The following NME4 variants were observed in gnomAD, a reference collection of about 807,000 sequenced individuals.
The protein encoded by NME4 is NME/NM23 nucleoside diphosphate kinase 4, also known as nucleoside diphosphate kinase D, mitochondrial.
A neutral mutation model predicts 16.4 loss-of-function variants in NME4; 21 were observed. The ratio of observed to expected loss-of-function variants is 1.28; its 90% CI spans 0.91 to 1.84. The LOEUF (loss-of-function observed/expected upper bound fraction) is 1.84, where lower values mean the gene tolerates loss of function less well. Among genes scored for constraint, NME4 ranks in the 40% most tolerant of loss-of-function variants. The pLI is 0.00. For missense variants in NME4, 316 were observed against 261.3 expected, an observed-to-expected ratio of 1.21 and a Z score of -1.44; for synonymous variants, 132 against 107.5, an observed-to-expected ratio of 1.23 and a Z score of -1.41.
chr16:398,919 G>A, intron 1 of NME4, 71 bp from the exon 2 acceptor site: 1 of 1,590,520 alleles, frequency 6.3e-7, no homozygotes. Context: ...CTGGGCTCTG[G>A]CTGGGAAACC....
chr16:398,951 G>C (rs912237986), intron 1 of NME4, 39 bp from the exon 2 acceptor site: 2 of 1,606,410 alleles, frequency 1.2e-6, no homozygotes, highest in African/African-American at 1.3e-5. Flanking sequence ...GACGTGAAAG[G>C]GTGAGGTGGC....
Position 399,410 on chromosome 16 carries a change from A to G in NME4, c.257A>G (p.Gln86Arg), listed in dbSNP as rs778019900. 1.2e-6 allele frequency: 2 copies of G among 1,612,882 alleles called. No individual in the cohort carries two copies. The highest frequency in any genetic ancestry group is 1.7e-6 in the Non-Finnish European group (2 of 1,179,978). ...APESVLAEHY[Q>R]DLRRKPFYPA... is the part of the protein sequence containing the mutation. Reference sequence around the variant, plus strand: ...GAGAGCGTCCTTGCCGAGCACTACCAGGACCTGCGGAGGAAGCCCTTCTAC... The same window carrying G: ...GAGAGCGTCCTTGCCGAGCACTACCGGGACCTGCGGAGGAAGCCCTTCTAC... The change falls in exon 3 of 5, where the codon CAG becomes CGG. Residue 86 changes from glutamine to arginine, a missense_variant. Physicochemically the swap from Gln to Arg is conservative, Grantham distance 43. Transcript: ENST00000219479.
intron 1 of NME4, 53 bp downstream of exon 1, chr16:397,366 C>T (rs150899971): frequency 0.044 from 31,625 of 712,674 alleles, 1,151 homozygotes; most frequent in African/African-American, 0.16. Context: ...AAGGGGCGCG[C>T]GCCGCTCGGC....
Position 400,219 on chromosome 16 carries a change from G to C in NME4, c.441G>C (p.Arg147Ser). The stretch of plus-strand genomic sequence containing the variant: ...TCACATTGCTCCTGTCCTGGCACAG[G>C]AATGTCATCCACGCCAGCGACTCCG... ...IRGDFSVHISRNVIHASDSVE... is the reference protein window; with the variant it reads ...IRGDFSVHISSNVIHASDSVE... Residue 147 changes from arginine (R) to serine (S), a missense_variant and splice_region_variant, in exon 5 of 5, where the codon AGG (arginine) becomes AGC (serine). Physicochemically the swap from Arg to Ser is moderately radical, Grantham distance 110. Coordinates refer to ENST00000219479, the MANE Select transcript of NME4 (RefSeq NM_005009.3). The C allele has an allele frequency of 6.2e-7, 1 of 1,607,344 alleles. No individual in the cohort carries two copies. Among genetic ancestry groups the C allele is most frequent in the African/African-American group, 1.3e-5 (1 of 74,902 alleles).
chr16:400,466 C>T lies in NME4; in HGVS notation c.*124C>T, dbSNP rs2054639448. On this transcript the variant is annotated 3_prime_UTR_variant, in exon 5 of 5. Transcript: ENST00000219479. The stretch of plus-strand genomic sequence containing the variant: ...CTTACTTCCCTGTTCACCTCTGCCC[C>T]ACCCCAGCCCAGAGGAGTTTGAGCC... 1.6e-6 allele frequency: 2 copies of T among 1,268,590 alleles called. No individual in the cohort carries two copies. Among genetic ancestry groups the T allele is most frequent in the South Asian group, 3.2e-5 (2 of 61,854 alleles). 78.6% of individuals were successfully genotyped at this position (1,268,590 alleles called of 1,614,324 possible). A position where few individuals can be genotyped will look rare whatever the true frequency, so the allele number is the denominator to read the frequency against.
rs571220712 is a variant in NME4, at chr16:400,232, G to A, written c.454G>A (p.Ala152Thr). Residue 152 changes from alanine (A) to threonine (T), a missense_variant, in exon 5 of 5, where the codon GCC becomes ACC. By Grantham distance (58) the Ala-to-Thr change is moderately conservative. Transcript: ENST00000219479. ...GTCCTGGCACAGGAATGTCATCCACGCCAGCGACTCCGTGGAGGGGGCCCA... is the reference window on the plus strand; with the variant it reads ...GTCCTGGCACAGGAATGTCATCCACACCAGCGACTCCGTGGAGGGGGCCCA... ...SVHISRNVIHASDSVEGAQRE... is the reference protein window; with the variant it reads ...SVHISRNVIHTSDSVEGAQRE... 49 of 1,605,256 alleles carry A rather than the reference G, an allele frequency of 3.1e-5. No homozygotes were observed. The Admixed American group carries it at 5.4e-4, about 18-fold the overall frequency.
At position 398,877 on chromosome 16, in the gene NME4, A is replaced by C. The variant is rs2054601236; in HGVS notation, c.92-113A>C. 2.8e-6 allele frequency: 4 copies of C among 1,442,222 alleles called. No individual in the cohort carries two copies. The Middle Eastern group carries it at 6.9e-4, about 250-fold the overall frequency. The allele number at this position is 1,442,222 out of a possible 1,614,324, so 89.3% of individuals were successfully genotyped here. On this transcript the variant is annotated intron_variant, in intron 1 of 4. Coordinates refer to ENST00000219479, the MANE Select transcript of NME4 (RefSeq NM_005009.3). ...CCCTGTCCCTTCCAGAGTGCCCTGCATAGAGGCAGACACCCTGAAGCCTGG... is the reference window on the plus strand; with the variant it reads ...CCCTGTCCCTTCCAGAGTGCCCTGCCTAGAGGCAGACACCCTGAAGCCTGG...
chr16:399,044 T>A lies in NME4; in HGVS notation c.146T>A (p.Val49Glu). ...RTLVAVKPDG[V>E]QRRLVGDVIQ... ...CTGGTGGCGGTGAAGCCCGATGGCG[T>A]GCAACGGCGGCTCGTTGGGGACGTG... is the stretch of plus-strand genomic sequence containing the variant. The change falls in exon 2 of 5, where the codon GTG (valine) becomes GAG (glutamate). Residue 49 changes from valine to glutamate, a missense_variant. Val to Glu is a moderately radical substitution (Grantham distance 121). Coordinates refer to ENST00000219479, the MANE Select transcript of NME4 (RefSeq NM_005009.3). 1 of 1,608,476 alleles carries A rather than the reference T, an allele frequency of 6.2e-7. No individual in the cohort carries two copies. Among genetic ancestry groups the A allele is most frequent in the Non-Finnish European group, 8.5e-7 (1 of 1,179,686 alleles).
intron 1 of NME4, chr16:397,909 C>A (rs766645586): frequency 6.4e-7 from 1 of 1,551,978 alleles, no homozygotes; most frequent in Non-Finnish European, 8.7e-7. Flanking sequence ...AAAAGTGAGC[C>A]GCCGCCTGCA....
intron 1 of NME4, chr16:398,142 G>A: frequency 1.3e-6 from 2 of 1,529,964 alleles, no homozygotes; most frequent in Non-Finnish European, 1.8e-6. Flanking sequence ...GATGCCGGAG[G>A]GTAGCTTGGC....
intron 1 of NME4, 81 bp downstream of exon 1, chr16:397,394 CG>C: frequency 3.9e-6 from 2 of 513,262 alleles, no homozygotes; most frequent in Non-Finnish European, 5.1e-6. Flanking sequence ...CGCGCACGTG[CG>C]GGCTGGGGTC....
chr16:399,350 C>T (rs755869751), intron 2 of NME4, 29 bp from the exon 3 acceptor site: 13 of 1,601,128 alleles, frequency 8.1e-6, no homozygotes, highest in Middle Eastern at 1.7e-4. Context: ...TTACTGTCTG[C>T]GGCTCCTCCT....
rs1220100512 is a variant in NME4, at chr16:399,537, C to T, written c.327+57C>T. ...GTGGGTAAAGGGCGTGTGGGTGTGTCTTTCCCCCCAGCAAAGGGAGGGGCC... is the reference window on the plus strand; with the variant it reads ...GTGGGTAAAGGGCGTGTGGGTGTGTTTTTCCCCCCAGCAAAGGGAGGGGCC... On this transcript the variant is annotated intron_variant, in intron 3 of 4. Coordinates refer to ENST00000219479, the MANE Select transcript of NME4 (RefSeq NM_005009.3). 16 of 1,594,526 alleles carry T rather than the reference C, an allele frequency of 1.0e-5. No homozygotes were observed. In the South Asian group the frequency reaches 1.1e-4, roughly 11 times the overall value.
At chr16:397,894 C>G in intron 1 of NME4, 2 of 1,554,752 alleles carry the variant, frequency 1.3e-6, no homozygotes, top group Non-Finnish European at 1.7e-6. Flanking sequence ...CCTCCATCGG[C>G]TCTGAAAAGT....
chr16:398,292 G>A (rs2141787479), intron 1 of NME4: 2 of 1,357,806 alleles, frequency 1.5e-6, no homozygotes, highest in African/African-American at 1.5e-5. Flanking sequence ...CTCCACAGCA[G>A]CACAGGCCCC....
chr16:398,488 A>G (rs1216357126), intron 1 of NME4: 4 of 976,624 alleles, frequency 4.1e-6, no homozygotes, highest in East Asian at 6.2e-5. Flanking sequence ...GCTTCAGACC[A>G]TGTCTGTCGT....
chr16:399,796 G>C lies in NME4; in HGVS notation c.440+57G>C, dbSNP rs1456377385. ...TGGGGGCAAGGAGGGCCATCACTTG[G>C]GGTGGTGGCAGATCCACGAGACCTG... On this transcript the variant is annotated intron_variant, in intron 4 of 4. Coordinates refer to ENST00000219479, the MANE Select transcript of NME4 (RefSeq NM_005009.3). 4 of 1,427,982 alleles carry C rather than the reference G, an allele frequency of 2.8e-6. No individual in the cohort carries two copies. In the Admixed American group the frequency reaches 6.8e-5, roughly 24 times the overall value. 88.5% of individuals were successfully genotyped at this position (1,427,982 alleles called of 1,614,324 possible). A position where few individuals can be genotyped will look rare whatever the true frequency, so the allele number is the denominator to read the frequency against.
At chr16:399,219 T>C in intron 2 of NME4, 96 bp downstream of exon 2, 4 of 1,539,930 alleles carry the variant, frequency 2.6e-6, no homozygotes, top group Non-Finnish European at 3.6e-6. Context: ...GGGCAGGGCC[T>C]GGCTTTGGCA....
In NME4 at chr16:397,208, C is replaced by A; in HGVS notation, c.-15C>A. On this transcript the variant is annotated 5_prime_UTR_variant, in exon 1 of 5. Coordinates refer to ENST00000219479, the MANE Select transcript of NME4 (RefSeq NM_005009.3). ...CCCGCTCCTCGCGCTCACAGCGGCC[C>A]GCGGGCCGGGCGTCATGGGCGGCCT... is the stretch of plus-strand genomic sequence containing the variant. 2 of 1,002,430 alleles carry A rather than the reference C, an allele frequency of 2.0e-6. No individual in the cohort carries two copies. The highest frequency in any genetic ancestry group is 1.2e-6 in the Non-Finnish European group (1 of 841,402). The allele number at this position is 1,002,430 out of a possible 1,614,324, so 62.1% of individuals were successfully genotyped here.
Sources: allele counts gnomAD v4.1 joint callset, GRCh38; gene constraint gnomAD v4.1.1; transcripts MANE v1.5; gene names NCBI Gene and HGNC (gene_info 2026-07-23, HGNC 2026-07-21).